ODAD2: variants seen among roughly 807,000 people sequenced by gnomAD.
ODAD2 encodes outer dynein arm docking complex subunit 2.
In ODAD2, 89 loss-of-function variants were observed where a neutral mutation model predicts 106.8. The observed-to-expected ratio is 0.83, with a 90% CI of 0.70 to 0.99. The LOEUF (loss-of-function observed/expected upper bound fraction) is 0.99. ODAD2 is among the 50% of genes least tolerant of loss of function. The pLI, the probability that ODAD2 is intolerant of heterozygous loss-of-function variation, is 0.00. For synonymous variants in ODAD2, 404 were observed against 436.2 expected (o/e 0.93, Z 0.92); for missense variants, 1,168 against 1,238.5 (o/e 0.94, Z 0.85).
rs1285108766 is a variant in ODAD2, at chr10:27,935,226, G to T, written c.2279C>A (p.Thr760Asn). The T allele has an allele frequency of 6.2e-7, 1 of 1,613,880 alleles. No homozygotes were observed. The highest frequency in any genetic ancestry group is 8.5e-7 in the Non-Finnish European group (1 of 1,179,838). ...CTGATCTGTTAGAAGTCCCACCAAG[G>T]TTTCAATGGCTTTGTATTCCCGAAA... ...TKFREYKAIE[T>N]LVGLLTDQPE... Residue 760 changes from threonine (T) to asparagine (N), a missense_variant, in exon 16 of 20, where the codon ACC becomes AAC. Physicochemically the swap from Thr to Asn is moderately conservative, Grantham distance 65. Coordinates refer to ENST00000305242, the MANE Select transcript of ODAD2 (RefSeq NM_018076.5).
At chr10:27,831,288 T>A (rs1837458137) in intron 19 of ODAD2, among the ~76,000 whole-genome samples, 1 of 152,084 alleles carries the variant, frequency 6.6e-6, no homozygotes, top group Non-Finnish European at 1.5e-5. Flanking sequence ...AAATATTAAA[T>A]CTGTACATTT....
intron 17 of ODAD2, among the ~76,000 whole-genome samples, chr10:27,907,264 T>G (rs980716828): frequency 6.6e-6 from 1 of 152,174 alleles, no homozygotes; most frequent in African/African-American, 2.4e-5. Flanking sequence ...CGTAGTGCTC[T>G]CTCACTGCAG....
chr10:27,951,627 T>TAA (rs201715058), intron 10 of ODAD2, among the ~76,000 whole-genome samples: 2 of 145,104 alleles, frequency 1.4e-5, no homozygotes, highest in East Asian at 2.0e-4. Flanking sequence ...AATTTGAACT[T>TAA]AAAAAAAAAA....
chr10:27,867,063 C>T (rs1840491565), intron 17 of ODAD2, among the ~76,000 whole-genome samples: 1 of 151,790 alleles, frequency 6.6e-6, no homozygotes, highest in Non-Finnish European at 1.5e-5. Context: ...CCTATGAAAA[C>T]AGTGCAGATA....
At chr10:27,944,195 G>T in intron 12 of ODAD2, 27 bp downstream of exon 12, 1 of 1,587,602 alleles carries the variant, frequency 6.3e-7, no homozygotes, top group East Asian at 2.3e-5. Context: ...GGCACTAGAT[G>T]ACGATGACAA....
At chr10:27,832,526 C>A (rs1837562319) in intron 19 of ODAD2, among the ~76,000 whole-genome samples, 1 of 151,964 alleles carries the variant, frequency 6.6e-6, no homozygotes, top group Non-Finnish European at 1.5e-5. Flanking sequence ...GTTGTTCACA[C>A]ACACACACAG....
At chr10:27,889,471 G>A (rs1053145495) in intron 17 of ODAD2, among the ~76,000 whole-genome samples, 1 of 152,138 alleles carries the variant, frequency 6.6e-6, no homozygotes. Context: ...CAGGAATTTT[G>A]CTCAGTAAGA....
intron 16 of ODAD2, among the ~76,000 whole-genome samples, chr10:27,915,553 T>C (rs944546368): frequency 1.3e-5 from 2 of 152,208 alleles, no homozygotes; most frequent in South Asian, 4.2e-4. Context: ...AGTTTCAACA[T>C]CTAAATGTGA....
intron 17 of ODAD2, among the ~76,000 whole-genome samples, chr10:27,880,378 A>T (rs542376143): frequency 1.5e-4 from 23 of 152,354 alleles, no homozygotes; most frequent in Middle Eastern, 3.4e-3. Flanking sequence ...GTCTAAAAAA[A>T]TTCCTTTGGG....
rs1368553923 is a variant in ODAD2, at chr10:27,862,628, C to A, written c.2611-6G>T. Reference sequence around the variant, plus strand: ...CGAACCATTTCCCCAGCATCCTAGACAAAAATAAAAGTAAAGATGGTATCA... The same window carrying A: ...CGAACCATTTCCCCAGCATCCTAGAAAAAAATAAAAGTAAAGATGGTATCA... On this transcript the variant is annotated splice_region_variant and splice_polypyrimidine_tract_variant and intron_variant, in intron 17 of 19. Transcript: ENST00000305242. 6.3e-7 allele frequency: 1 copy of A among 1,581,996 alleles called. No individual in the cohort carries two copies. Among genetic ancestry groups the A allele is most frequent in the Non-Finnish European group, 8.6e-7 (1 of 1,166,958 alleles).
rs1240144912 is a variant in ODAD2, at chr10:27,984,990, A to G, written c.575+29T>C. 1.1e-5 allele frequency: 18 copies of G among 1,583,426 alleles called. No individual in the cohort carries two copies. The African/African-American group carries it at 1.5e-4, about 13-fold the overall frequency. ...AGTGGTGCAATCTTGGCTCAATACA[A>G]TAGAGGTTCCTTTTTGAAAAAGACT... On this transcript the variant is annotated intron_variant, in intron 4 of 19. Transcript: ENST00000305242.
chr10:27,821,357 A>C (rs1306035345), intron 19 of ODAD2, among the ~76,000 whole-genome samples: 1 of 152,202 alleles, frequency 6.6e-6, no homozygotes, highest in Admixed American at 6.5e-5. Context: ...TAGGCATCTA[A>C]AGGTGTTTTA....
At chr10:27,861,737 T>C (rs1291554430) in intron 18 of ODAD2, among the ~76,000 whole-genome samples, 1 of 152,262 alleles carries the variant, frequency 6.6e-6, no homozygotes, top group Non-Finnish European at 1.5e-5. Flanking sequence ...GTAATGGGCA[T>C]ACTATTACTG....
intron 7 of ODAD2, among the ~76,000 whole-genome samples, chr10:27,979,711 T>G (rs770056330): frequency 2.0e-5 from 3 of 152,162 alleles, no homozygotes; most frequent in African/African-American, 4.8e-5. Flanking sequence ...CTGAAAGCCA[T>G]TAAATATACA....
intron 3 of ODAD2, among the ~76,000 whole-genome samples, chr10:27,985,414 C>A (rs1349437740): frequency 3.3e-5 from 5 of 152,170 alleles, no homozygotes; most frequent in Admixed American, 1.3e-4. Flanking sequence ...ACGAGATGCT[C>A]TAGTTTGTAT....
intron 18 of ODAD2, among the ~76,000 whole-genome samples, chr10:27,861,875 GT>G (rs557888893): frequency 8.3e-4 from 127 of 152,268 alleles, no homozygotes; most frequent in African/African-American, 3.0e-3. Flanking sequence ...TCCTTCCAGG[GT>G]TTGAATTTCT....
intron 19 of ODAD2, among the ~76,000 whole-genome samples, chr10:27,843,766 CA>C (rs113375418): frequency 8.3e-5 from 12 of 144,052 alleles, no homozygotes; most frequent in Middle Eastern, 3.6e-3. Flanking sequence ...TACTCTGTCT[CA>C]AAAAAAAACA....
chr10:27,944,178 G>A (rs1337342666), intron 12 of ODAD2, 44 bp downstream of exon 12: 1 of 1,527,112 alleles, frequency 6.5e-7, no homozygotes, highest in Admixed American at 1.9e-5. Flanking sequence ...TGTGTGCAGT[G>A]GCGGCTGGCA....
intron 17 of ODAD2, among the ~76,000 whole-genome samples, chr10:27,885,732 ATATATTATGT>A (rs1391073357): frequency 4.2e-3 from 98 of 23,202 alleles, no homozygotes; most frequent in Middle Eastern, 0.05. Flanking sequence ...TATATATAAA[ATATATTATGT>A]TATATATAAT....
Sources: gnomAD v4.1 joint callset for allele counts (sites outside exome capture counted in the v4.1 genomes callset) on GRCh38, gnomAD v4.1.1 for gene constraint, MANE v1.5 for transcripts, NCBI Gene and HGNC (gene_info 2026-07-23, HGNC 2026-07-21) for gene names.